COQ5: variants seen among roughly 807,000 people sequenced by gnomAD.
COQ5 encodes coenzyme Q5, methyltransferase, also known as 2-methoxy-6-polyprenyl-1,4-benzoquinol methylase, mitochondrial.
In COQ5, 27 loss-of-function variants were observed where a neutral mutation model predicts 40.5. The ratio of observed to expected loss-of-function variants is 0.67; its 90% CI spans 0.49 to 0.92. The LOEUF is 0.92. Among genes scored for constraint, COQ5 ranks in the 40% least tolerant of loss-of-function variants. The pLI is 0.00. For missense variants in COQ5, 409 were observed against 406.4 expected (o/e 1.01, Z -0.06); for synonymous variants, 141 against 150.0 (o/e 0.94, Z 0.44).
intron 4 of COQ5, among the ~76,000 whole-genome samples, chr12:120,507,475 G>C (rs1461151373): frequency 6.7e-6 from 1 of 149,670 alleles, no homozygotes; most frequent in Admixed American, 6.6e-5. Context: ...AGTAGAGACG[G>C]GGTTTTCACC....
At chr12:120,514,671 A>C (rs992623810) in intron 3 of COQ5, among the ~76,000 whole-genome samples, 2 of 151,066 alleles carry the variant, frequency 1.3e-5, no homozygotes, top group African/African-American at 2.4e-5. Context: ...TGAACCCGGG[A>C]GGCAGAGGTT....
At chr12:120,518,721 C>T (rs550671696) in intron 2 of COQ5, among the ~76,000 whole-genome samples, 8 of 152,146 alleles carry the variant, frequency 5.3e-5, no homozygotes, top group African/African-American at 1.4e-4. Flanking sequence ...TGTGCTACCA[C>T]GCCCAGCTAA....
At chr12:120,514,257 C>T (rs1401032257) in intron 3 of COQ5, among the ~76,000 whole-genome samples, 1 of 151,960 alleles carries the variant, frequency 6.6e-6, no homozygotes, top group Non-Finnish European at 1.5e-5. Flanking sequence ...GTCTAGGCAG[C>T]TCCTTCTGGG....
intron 3 of COQ5, among the ~76,000 whole-genome samples, chr12:120,513,202 T>TA (rs935051374): frequency 1.8e-4 from 25 of 139,950 alleles, no homozygotes; most frequent in South Asian, 4.6e-4. Context: ...TGCTATACAT[T>TA]AAAAAAAAAA....
intron 4 of COQ5, chr12:120,509,765 ATCT>A: frequency 2.3e-6 from 1 of 432,322 alleles, no homozygotes; most frequent in Non-Finnish European, 4.3e-6. Flanking sequence ...TAAAAAAAAA[ATCT>A]ATCTATCTCT....
intron 2 of COQ5, among the ~76,000 whole-genome samples, chr12:120,518,464 GTTT>G (rs1488804934): frequency 7.1e-6 from 1 of 140,860 alleles, no homozygotes; most frequent in Non-Finnish European, 1.5e-5. Context: ...CCTTGTCTTT[GTTT>G]TTCCTACACT....
At chr12:120,509,884 G>A in intron 4 of COQ5, 133 bp downstream of exon 4, 1 of 721,730 alleles carries the variant, frequency 1.4e-6, no homozygotes, top group Non-Finnish European at 2.5e-6. Context: ...CCAGGAGTTT[G>A]AGACTAGCCT....
chr12:120,504,693 A>C, intron 5 of COQ5: 1 of 586,364 alleles, frequency 1.7e-6, no homozygotes, highest in Non-Finnish European at 3.1e-6. Context: ...CTTCTAAGTC[A>C]ATTTCTTAAT....
intron 3 of COQ5, among the ~76,000 whole-genome samples, chr12:120,516,264 G>T (rs1004976764): frequency 6.6e-6 from 1 of 152,190 alleles, no homozygotes; most frequent in Non-Finnish European, 1.5e-5. Context: ...GAGATCTGAA[G>T]ATTCAACTCC....
chr12:120,519,973 C>T (rs1194733286), intron 2 of COQ5, among the ~76,000 whole-genome samples: 1 of 151,862 alleles, frequency 6.6e-6, no homozygotes, highest in East Asian at 1.9e-4. Flanking sequence ...GTCTTCTTGC[C>T]CTCTGAGCTT....
intron 6 of COQ5, 26 bp downstream of exon 6, chr12:120,503,940 CCTTT>C (rs1412697945): frequency 1.3e-6 from 2 of 1,594,476 alleles, no homozygotes; most frequent in Non-Finnish European, 1.7e-6. Context: ...CACTGTAGGG[CCTTT>C]GTTTAAAGCT....
intron 3 of COQ5, among the ~76,000 whole-genome samples, chr12:120,513,904 GATT>G (rs954382040): frequency 1.3e-5 from 2 of 152,236 alleles, no homozygotes; most frequent in African/African-American, 4.8e-5. Flanking sequence ...GCAAAGGTAT[GATT>G]ATTGGAGATT....
intron 4 of COQ5, among the ~76,000 whole-genome samples, chr12:120,507,283 A>G (rs1868922836): frequency 6.7e-6 from 1 of 149,962 alleles, no homozygotes; most frequent in Non-Finnish European, 1.5e-5. Context: ...GAATCTATTC[A>G]ACTTATTTTT....
At chr12:120,526,390 T>C (rs79335460) in intron 1 of COQ5, 5,664 of 434,678 alleles carry the variant, frequency 0.013, 281 homozygotes, top group African/African-American at 0.1. Context: ...TGTGGGAATA[T>C]TGACACTGCT....
intron 4 of COQ5, among the ~76,000 whole-genome samples, chr12:120,506,357 C>G (rs575573807): frequency 8.5e-4 from 129 of 152,040 alleles, no homozygotes; most frequent in African/African-American, 3.1e-3. Flanking sequence ...TTCTCCAACA[C>G]TCCTGTTTAA....
At chr12:120,509,023 CA>C (rs55804213) in intron 4 of COQ5, among the ~76,000 whole-genome samples, 112,531 of 120,126 alleles carry the variant, frequency 0.94, 52,655 homozygotes, top group Non-Finnish European at 0.97. Context: ...GACTCTGTCT[CA>C]AAAAAAAAAA....
Position 120,503,697 on chromosome 12 carries a change from C to A in COQ5, c.*87G>T. On this transcript the variant is annotated 3_prime_UTR_variant, in exon 7 of 7. Coordinates refer to ENST00000288532, the MANE Select transcript of COQ5 (RefSeq NM_032314.4). ...GCACGTATCCTTAAGAGGAGATGCT[C>A]TGCTGCTGTCTCATTTGCCAGATTA... The A allele has an allele frequency of 2.2e-6, 2 of 928,994 alleles. No homozygotes were observed. The highest frequency in any genetic ancestry group is 1.8e-6 in the Non-Finnish European group (1 of 566,876). The allele number at this position is 928,994 out of a possible 1,614,324, so 57.5% of individuals were successfully genotyped here. A position where few individuals can be genotyped will look rare whatever the true frequency, so the allele number is the denominator to read the frequency against.
intron 3 of COQ5, among the ~76,000 whole-genome samples, chr12:120,512,544 G>A (rs537289742): frequency 8.5e-5 from 13 of 152,162 alleles, no homozygotes; most frequent in African/African-American, 3.1e-4. Flanking sequence ...AGGTTGCAGT[G>A]AGCTGAGATC....
At chr12:120,526,334 G>C (rs970583268) in intron 1 of COQ5, 31 of 378,866 alleles carry the variant, frequency 8.2e-5, no homozygotes, top group Middle Eastern at 7.2e-4. Flanking sequence ...TGCTGGAAGT[G>C]AAATTCAAAT....
Sources: allele counts gnomAD v4.1 joint callset (sites outside exome capture counted in the v4.1 genomes callset), GRCh38; gene constraint gnomAD v4.1.1; transcripts MANE v1.5; gene names NCBI Gene and HGNC (gene_info 2026-07-23, HGNC 2026-07-21).